Variants in CDH12 observed in about 807,000 individuals in gnomAD.
CDH12 encodes the protein cadherin-12.
In CDH12, 41 loss-of-function variants were observed where a neutral mutation model predicts 74.1. The ratio of observed to expected loss-of-function variants is 0.55; its 90% confidence interval spans 0.43 to 0.72. CDH12 has a LOEUF of 0.72. Among genes scored for constraint, CDH12 ranks in the 30% least tolerant of loss-of-function variants. The pLI is 0.00. For missense variants in CDH12, 945 were observed against 977.2 expected, an observed-to-expected ratio of 0.97 and a Z score of 0.44; for synonymous variants, 399 against 355.0, an observed-to-expected ratio of 1.12 and a Z score of -1.39.
chr5:22,128,983 T>C (rs959877050), intron 4 of CDH12, among the ~76,000 whole-genome samples: 3 of 152,214 alleles, frequency 2.0e-5, no homozygotes, highest in Non-Finnish European at 4.4e-5. Context: ...TTTGTAGAGA[T>C]AGTAACTTGT....
intron 1 of CDH12, among the ~76,000 whole-genome samples, chr5:22,530,011 G>C (rs1737516113): frequency 6.6e-6 from 1 of 151,944 alleles, no homozygotes; most frequent in East Asian, 1.9e-4. Context: ...TTAAGCTTAG[G>C]ATTCCAGTTT....
intron 4 of CDH12, among the ~76,000 whole-genome samples, chr5:22,117,458 T>TTATA (rs1355918274): frequency 2.6e-5 from 2 of 75,498 alleles, no homozygotes; most frequent in East Asian, 8.0e-4. Context: ...AATATATATA[T>TTATA]TATATATATA....
rs34483269 is a variant in CDH12, at chr5:21,825,152, CAA to C, written c.815-8022_815-8021del. On this transcript the variant is annotated intron_variant, in intron 8 of 14. Coordinates refer to ENST00000382254, the MANE Select transcript of CDH12 (RefSeq NM_004061.5). The stretch of plus-strand genomic sequence containing the variant: ...TGGGGGACAGAGTGAGACTCTATCT[CAA>C]AAAAAAAAAAAAAAGAAAAAAAACT... 1.7e-3 allele frequency among the ~76,000 whole-genome samples: 212 copies of C among 122,036 alleles called. 1 individual carries two copies. The highest frequency in any genetic ancestry group is 4.5e-3 in the African/African-American group (155 of 34,496). The allele number at this position is 122,036 out of a possible 152,430, so 80.1% of individuals were successfully genotyped here. A position where few individuals can be genotyped will look rare whatever the true frequency, so the allele number is the denominator to read the frequency against.
intron 1 of CDH12, among the ~76,000 whole-genome samples, chr5:22,822,929 C>T (rs1012714382): frequency 3.3e-5 from 5 of 152,074 alleles, no homozygotes; most frequent in African/African-American, 1.2e-4. Flanking sequence ...AAGATACATG[C>T]ACATGTATGT....
chr5:21,880,704 C>T (rs1368049134), intron 6 of CDH12, among the ~76,000 whole-genome samples: 3 of 138,332 alleles, frequency 2.2e-5, no homozygotes, highest in Non-Finnish European at 4.6e-5. Flanking sequence ...TTTTCTCCTT[C>T]CTTCCTTCCT....
At chr5:21,986,881 T>C (rs1342382229) in intron 5 of CDH12, among the ~76,000 whole-genome samples, 1 of 152,128 alleles carries the variant, frequency 6.6e-6, no homozygotes, top group East Asian at 1.9e-4. Flanking sequence ...AAGTTTTATT[T>C]AATTTTGACT....
Position 21,751,447 on chromosome 5 carries a change from G to T in CDH12, c.*290C>A. 2.9e-6 allele frequency: 1 copy of T among 339,998 alleles called. No homozygotes were observed. Among genetic ancestry groups the T allele is most frequent in the Non-Finnish European group, 5.5e-6 (1 of 182,410 alleles). The allele number at this position is 339,998 out of a possible 1,614,324, so 21.1% of individuals were successfully genotyped here. ...CATGTCAGTAAATTGTATTGAATAG[G>T]CCTGAGCTTGTCTCAGTGTGATTGT... On this transcript the variant is annotated 3_prime_UTR_variant, in exon 15 of 15. Transcript: ENST00000382254.
intron 4 of CDH12, among the ~76,000 whole-genome samples, chr5:22,211,540 C>T (rs1287795475): frequency 1.3e-5 from 2 of 151,772 alleles, no homozygotes; most frequent in Admixed American, 6.6e-5. Flanking sequence ...TATTTACATG[C>T]GCTTAGTAAG....
chr5:22,782,144 T>C (rs144521244), intron 1 of CDH12, among the ~76,000 whole-genome samples: 7,271 of 152,218 alleles, frequency 0.048, 588 homozygotes, highest in African/African-American at 0.16. Flanking sequence ...CTTGGACTTT[T>C]GGGTTAATGC....
intron 5 of CDH12, among the ~76,000 whole-genome samples, chr5:22,053,281 C>T (rs376304855): frequency 6.6e-6 from 1 of 152,064 alleles, no homozygotes; most frequent in African/African-American, 2.4e-5. Context: ...ACTGAATTAA[C>T]ATATGTCTCA....
At chr5:22,117,451 ATATATATTATATATATAAT>A (rs1561128534) in intron 4 of CDH12, among the ~76,000 whole-genome samples, 10 of 79,806 alleles carry the variant, frequency 1.3e-4, no homozygotes, top group African/African-American at 5.2e-4. Flanking sequence ...TATATATAAT[ATATATATTATATATATAAT>A]ATATATATTA....
At chr5:22,421,362 A>G (rs1394264423) in intron 2 of CDH12, among the ~76,000 whole-genome samples, 1 of 152,106 alleles carries the variant, frequency 6.6e-6, no homozygotes, top group South Asian at 2.1e-4. Flanking sequence ...GACAGGCCCC[A>G]GTATGTGATG....
intron 1 of CDH12, among the ~76,000 whole-genome samples, chr5:22,724,652 G>T (rs1166890245): frequency 6.6e-6 from 1 of 151,776 alleles, no homozygotes; most frequent in Admixed American, 6.6e-5. Context: ...ACTTAGGTTG[G>T]TTCCATATCT....
chr5:22,670,938 T>C (rs1740869793), intron 1 of CDH12, among the ~76,000 whole-genome samples: 1 of 151,974 alleles, frequency 6.6e-6, no homozygotes, highest in Admixed American at 6.6e-5. Flanking sequence ...ACAGGAATTA[T>C]AATACTGAAA....
At chr5:22,661,166 G>A (rs1331199909) in intron 1 of CDH12, among the ~76,000 whole-genome samples, 2 of 152,172 alleles carry the variant, frequency 1.3e-5, no homozygotes, top group East Asian at 3.9e-4. Flanking sequence ...TACAATCAAT[G>A]AGAATACTTG....
chr5:22,286,027 G>A (rs1453692380), intron 3 of CDH12, among the ~76,000 whole-genome samples: 2 of 151,664 alleles, frequency 1.3e-5, no homozygotes, highest in African/African-American at 4.8e-5. Flanking sequence ...ATTCATAAGT[G>A]GTCTTACACG....
intron 1 of CDH12, among the ~76,000 whole-genome samples, chr5:22,836,430 T>C (rs551353036): frequency 4.0e-5 from 6 of 151,674 alleles, no homozygotes; most frequent in Admixed American, 2.6e-4. Flanking sequence ...AGGGTTTCAC[T>C]ATGTTAGCCA....
At chr5:22,802,170 G>A (rs1748564242) in intron 1 of CDH12, among the ~76,000 whole-genome samples, 1 of 142,200 alleles carries the variant, frequency 7.0e-6, no homozygotes, top group African/African-American at 2.7e-5. Flanking sequence ...CGCCCAGGCT[G>A]GAGTGCAGTG....
chr5:22,582,907 GATTGAT>G (rs1451652527), intron 1 of CDH12, among the ~76,000 whole-genome samples: 1 of 152,106 alleles, frequency 6.6e-6, no homozygotes, highest in Non-Finnish European at 1.5e-5. Context: ...ACTATAGGGG[GATTGAT>G]ATAAACCCTC....
Sources: allele counts gnomAD v4.1 joint callset (sites outside exome capture counted in the v4.1 genomes callset), GRCh38; gene constraint gnomAD v4.1.1; transcripts MANE v1.5; gene names NCBI Gene and HGNC (gene_info 2026-07-23, HGNC 2026-07-21).